Variants in TUSC3 observed in about 807,000 individuals in gnomAD.
TUSC3 encodes dolichyl-diphosphooligosaccharide--protein glycosyltransferase subunit TUSC3.
TUSC3 carries 45 observed loss-of-function variants against 44.8 expected under a neutral mutation model. That is an observed-to-expected ratio of 1.00 (90% CI 0.79 to 1.29). The LOEUF (loss-of-function observed/expected upper bound fraction) is 1.29, where lower values mean the gene tolerates loss of function less well. TUSC3 is among the 50% of genes most tolerant of loss of function. The pLI is 0.00. For synonymous variants in TUSC3, 212 were observed against 152.9 expected, an observed-to-expected ratio of 1.39 and a Z score of -2.85; for missense variants, 519 against 437.9, an observed-to-expected ratio of 1.19 and a Z score of -1.65.
At chr8:15,792,688 C>A in the TUSC3 span, among the ~76,000 whole-genome samples, 1 of 151,928 alleles carries the variant, frequency 6.6e-6, no homozygotes, top group Non-Finnish European at 1.5e-5. Flanking sequence ...CGATCTCAAC[C>A]CACTGCAACC....
At chr8:15,462,042 C>T (rs1196018177) in intron 1 of TUSC3, among the ~76,000 whole-genome samples, 1 of 152,004 alleles carries the variant, frequency 6.6e-6, no homozygotes, top group East Asian at 1.9e-4. Context: ...CATAAGACCC[C>T]TGGATTCTGT....
At chr8:15,789,479 A>G in the TUSC3 span, among the ~76,000 whole-genome samples, 4 of 152,220 alleles carry the variant, frequency 2.6e-5, no homozygotes, top group Admixed American at 6.5e-5. Flanking sequence ...CAAGATTGAC[A>G]GAGGATGTCA....
chr8:15,483,868 A>G (rs907536255), intron 2 of TUSC3, among the ~76,000 whole-genome samples: 1 of 145,456 alleles, frequency 6.9e-6, no homozygotes, highest in African/African-American at 2.6e-5. Context: ...TGTGTTAGCC[A>G]GGGTGGTCTC....
At chr8:15,633,024 C>A (rs1805887020) in intron 2 of TUSC3, among the ~76,000 whole-genome samples, 1 of 152,130 alleles carries the variant, frequency 6.6e-6, no homozygotes, top group Non-Finnish European at 1.5e-5. Context: ...TAGGTGTACG[C>A]TTTACTGCTG....
intron 2 of TUSC3, among the ~76,000 whole-genome samples, chr8:15,518,912 A>G (rs990386821): frequency 6.6e-6 from 1 of 152,188 alleles, no homozygotes; most frequent in Non-Finnish European, 1.5e-5. Context: ...TTTCTTCTCT[A>G]TTTGAAAATG....
chr8:15,511,684 A>G (rs750590842), intron 2 of TUSC3, among the ~76,000 whole-genome samples: 21 of 152,158 alleles, frequency 1.4e-4, no homozygotes, highest in Non-Finnish European at 2.8e-4. Flanking sequence ...AGCCTGGCCA[A>G]TATGGTAAAA....
intron 6 of TUSC3, among the ~76,000 whole-genome samples, chr8:15,684,111 G>C (rs1434061816): frequency 6.6e-6 from 1 of 152,012 alleles, no homozygotes; most frequent in East Asian, 1.9e-4. Flanking sequence ...GGGGAGGGAA[G>C]GCGGGGGCCA....
At chr8:15,581,989 A>T (rs182082860) in intron 1 of TUSC3, among the ~76,000 whole-genome samples, 2,825 of 151,758 alleles carry the variant, frequency 0.019, 92 homozygotes, top group African/African-American at 0.065. Context: ...CCTCTGAGCC[A>T]GGTGTGGGAT....
chr8:15,736,937 G>A (rs1554484468), intron 7 of TUSC3, among the ~76,000 whole-genome samples: 1 of 152,024 alleles, frequency 6.6e-6, no homozygotes, highest in Non-Finnish European at 1.5e-5. Flanking sequence ...TAAGTTAGAA[G>A]ATCTCAAGAA....
At chr8:15,574,502 G>T (rs1421726651) in intron 1 of TUSC3, among the ~76,000 whole-genome samples, 1 of 152,072 alleles carries the variant, frequency 6.6e-6, no homozygotes, top group Non-Finnish European at 1.5e-5. Flanking sequence ...GTAACTGGAA[G>T]ATTGTTTTCT....
chr8:15,591,576 T>C (rs75184623), intron 1 of TUSC3, among the ~76,000 whole-genome samples: 3,907 of 152,290 alleles, frequency 0.026, 180 homozygotes, highest in African/African-American at 0.089. Flanking sequence ...GTATAAATAT[T>C]ATTTGTCATA....
intron 1 of TUSC3, among the ~76,000 whole-genome samples, chr8:15,597,010 A>T: frequency 6.6e-6 from 1 of 152,152 alleles, no homozygotes; most frequent in East Asian, 1.9e-4. Context: ...TAGTTGTGGA[A>T]GGCTAAAGAA....
chr8:15,639,900 T>G (rs768948680), intron 2 of TUSC3, among the ~76,000 whole-genome samples: 1 of 151,164 alleles, frequency 6.6e-6, no homozygotes, highest in African/African-American at 2.4e-5. Flanking sequence ...CATAATACAG[T>G]GAACAAAATA....
chr8:15,440,809 C>T (rs1450273684), intron 1 of TUSC3, among the ~76,000 whole-genome samples: 4 of 152,134 alleles, frequency 2.6e-5, no homozygotes, highest in Non-Finnish European at 5.9e-5. Flanking sequence ...AGAGAGACTA[C>T]TTTTGATAGG....
chr8:15,829,923 T>C, the TUSC3 span, among the ~76,000 whole-genome samples: 1 of 152,306 alleles, frequency 6.6e-6, no homozygotes, highest in South Asian at 2.1e-4. Context: ...AGTGTGTAAG[T>C]ATTCCCTTTT....
At chr8:15,424,212 C>A (rs141038249) in intron 1 of TUSC3, among the ~76,000 whole-genome samples, 1 of 151,746 alleles carries the variant, frequency 6.6e-6, no homozygotes, top group African/African-American at 2.4e-5. Flanking sequence ...TAGTGTCTAT[C>A]TCTTGACCTT....
chr8:15,711,551 T>G (rs1585255914), intron 6 of TUSC3, among the ~76,000 whole-genome samples: 1 of 150,704 alleles, frequency 6.6e-6, no homozygotes, highest in East Asian at 1.9e-4. Context: ...TTTGTTTAAA[T>G]CGCATTAATG....
the TUSC3 span, among the ~76,000 whole-genome samples, chr8:15,847,594 A>C: frequency 6.6e-6 from 1 of 152,170 alleles, no homozygotes; most frequent in Non-Finnish European, 1.5e-5. Context: ...TGGAAAGGGT[A>C]GGGATTTTAA....
At chr8:15,430,810 T>G (rs1057159720) in intron 1 of TUSC3, among the ~76,000 whole-genome samples, 11 of 151,664 alleles carry the variant, frequency 7.3e-5, no homozygotes, top group African/African-American at 2.7e-4. Context: ...TGTGCAAAAA[T>G]CACAAGCATT....
Sources: allele counts gnomAD v4.1 joint callset (sites outside exome capture counted in the v4.1 genomes callset), GRCh38; gene constraint gnomAD v4.1.1; transcripts MANE v1.5; gene names NCBI Gene and HGNC (gene_info 2026-07-23, HGNC 2026-07-21).